The following STT3B variants were observed in gnomAD, a reference collection of about 807,000 sequenced individuals.
STT3B encodes the protein STT3 oligosaccharyltransferase complex catalytic subunit B, also known as dolichyl-diphosphooligosaccharide--protein glycosyltransferase subunit STT3B.
A neutral mutation model predicts 96.8 loss-of-function variants in STT3B; 29 were observed. The ratio of observed to expected loss-of-function variants is 0.30; its 90% CI spans 0.22 to 0.41. The LOEUF is 0.41. Among genes scored for constraint, STT3B ranks in the 10% least tolerant of loss-of-function variants. The probability of loss-of-function intolerance (pLI) is 1.00; values close to 1 mark genes in which losing one functional copy is unlikely to be tolerated. For missense variants in STT3B, 640 were observed against 1,022.3 expected, an observed-to-expected ratio of 0.63 and a Z score of 5.10; for synonymous variants, 367 against 360.0, an observed-to-expected ratio of 1.02 and a Z score of -0.22.
At chr3:31,577,844 C>G (rs985094313) in intron 2 of STT3B, among the ~76,000 whole-genome samples, 1 of 152,084 alleles carries the variant, frequency 6.6e-6, no homozygotes, top group Non-Finnish European at 1.5e-5. Flanking sequence ...TATCATATAC[C>G]TAAATTGTAT....
intron 3 of STT3B, among the ~76,000 whole-genome samples, chr3:31,585,273 G>A (rs9832807): frequency 0.092 from 13,970 of 151,938 alleles, 683 homozygotes; most frequent in South Asian, 0.11. Context: ...TAATTGCCAG[G>A]GTTTGGTTTT....
At chr3:31,550,032 G>A (rs754829184) in intron 1 of STT3B, among the ~76,000 whole-genome samples, 84 of 151,702 alleles carry the variant, frequency 5.5e-4, no homozygotes, top group Non-Finnish European at 9.6e-4. Flanking sequence ...TTATTTTGTT[G>A]TAATTTTTTT....
At chr3:31,533,377 C>T in intron 1 of STT3B, 65 bp downstream of exon 1, 25 of 1,394,590 alleles carry the variant, frequency 1.8e-5, no homozygotes, top group Non-Finnish European at 2.3e-5. Flanking sequence ...CTCCTCCGCC[C>T]GCCGCAGCTC....
chr3:31,599,243 C>T (rs1356594912), intron 4 of STT3B, among the ~76,000 whole-genome samples: 1 of 151,964 alleles, frequency 6.6e-6, no homozygotes. Context: ...TTGAGCTAAT[C>T]TTTTTTTTCT....
At chr3:31,607,046 G>T (rs1432229784) in intron 5 of STT3B, among the ~76,000 whole-genome samples, 1 of 152,176 alleles carries the variant, frequency 6.6e-6, no homozygotes, top group Non-Finnish European at 1.5e-5. Context: ...GGGACCTTCA[G>T]CGCCTTTATT....
At chr3:31,592,027 T>TA (rs1223176833) in intron 3 of STT3B, among the ~76,000 whole-genome samples, 1 of 152,188 alleles carries the variant, frequency 6.6e-6, no homozygotes, top group Non-Finnish European at 1.5e-5. Context: ...TGGCATTAAG[T>TA]ACATTGATTA....
chr3:31,597,316 C>T (rs541686784), intron 4 of STT3B, among the ~76,000 whole-genome samples: 46 of 152,040 alleles, frequency 3.0e-4, no homozygotes, highest in African/African-American at 8.2e-4. Flanking sequence ...CCCGCCACCA[C>T]GCCTGGCTAA....
rs1254974843 is a variant in STT3B, at chr3:31,602,307, T to TC, written c.877+1848_877+1849insC. ...AATAATAAATAACAGATTAAACTTTTTTTTTTTAAGTTAAATGGTTACAGT... is the reference window on the plus strand; with the variant it reads ...AATAATAAATAACAGATTAAACTTTTCTTTTTTTAAGTTAAATGGTTACAGT... On this transcript the variant is annotated intron_variant, in intron 5 of 15. Transcript: ENST00000295770. Among the ~76,000 whole-genome samples the TC allele has an allele frequency of 7.2e-5, 11 of 152,268 alleles. No individual in the cohort carries two copies. The East Asian group carries it at 2.1e-3, about 29-fold the overall frequency.
intron 9 of STT3B, among the ~76,000 whole-genome samples, chr3:31,621,884 C>T (rs572571741): frequency 6.6e-5 from 10 of 152,260 alleles, no homozygotes; most frequent in African/African-American, 2.4e-4. Context: ...TTTTTCTAAA[C>T]TGTGGATGTG....
chr3:31,594,574 C>T (rs1320419574), intron 3 of STT3B, among the ~76,000 whole-genome samples: 1 of 151,962 alleles, frequency 6.6e-6, no homozygotes, highest in Non-Finnish European at 1.5e-5. Context: ...GGATTATAGT[C>T]GTGCACCACC....
chr3:31,543,078 A>AAAAT (rs1291626877), intron 1 of STT3B, among the ~76,000 whole-genome samples: 1 of 151,658 alleles, frequency 6.6e-6, no homozygotes, highest in Non-Finnish European at 1.5e-5. Flanking sequence ...AAAAAAAAAA[A>AAAAT]AAAAAAGAGA....
chr3:31,602,910 A>G (rs1228515618), intron 5 of STT3B, among the ~76,000 whole-genome samples: 1 of 152,054 alleles, frequency 6.6e-6, no homozygotes, highest in Non-Finnish European at 1.5e-5. Flanking sequence ...AAATGGATGG[A>G]AAGTAGTATG....
chr3:31,561,056 A>C (rs1197251594), intron 1 of STT3B, among the ~76,000 whole-genome samples: 1 of 151,506 alleles, frequency 6.6e-6, no homozygotes, highest in Non-Finnish European at 1.5e-5. Context: ...TATATTTTTT[A>C]TTTCATTCAA....
rs1699762465 is a variant in STT3B at position 31,636,894 on chromosome 3, T to A, written c.*830T>A. 6.6e-6 allele frequency: 1 copy of A among 152,144 alleles called. No individual in the cohort carries two copies. Among genetic ancestry groups the A allele is most frequent in the Non-Finnish European group, 1.5e-5 (1 of 68,008 alleles). 9.4% of individuals were successfully genotyped at this position (152,144 alleles called of 1,614,324 possible). ...AGCACTATGTTTACATGCAAAAGATTAAGGAAAAAACCCTTAAAGTGGACA... is the reference window on the plus strand; with the variant it reads ...AGCACTATGTTTACATGCAAAAGATAAAGGAAAAAACCCTTAAAGTGGACA... On this transcript the variant is annotated 3_prime_UTR_variant, in exon 16 of 16. Coordinates refer to ENST00000295770, the MANE Select transcript of STT3B (RefSeq NM_178862.3).
intron 3 of STT3B, among the ~76,000 whole-genome samples, chr3:31,589,640 T>G (rs1366837404): frequency 6.6e-6 from 1 of 151,996 alleles, no homozygotes; most frequent in Admixed American, 6.6e-5. Flanking sequence ...TTACTATAAC[T>G]TCATTGTACA....
intron 1 of STT3B, among the ~76,000 whole-genome samples, chr3:31,553,038 C>A (rs888755335): frequency 6.1e-5 from 9 of 147,532 alleles, no homozygotes; most frequent in African/African-American, 2.3e-4. Context: ...GGAGGCGGAG[C>A]TTGCAGTGAG....
intron 4 of STT3B, among the ~76,000 whole-genome samples, chr3:31,597,755 G>A (rs1698824052): frequency 1.3e-5 from 2 of 151,524 alleles, no homozygotes; most frequent in Non-Finnish European, 2.9e-5. Context: ...TGCCGTGCCT[G>A]TTTTTTAACT....
At chr3:31,584,858 C>T (rs1219576124) in intron 3 of STT3B, among the ~76,000 whole-genome samples, 1 of 151,944 alleles carries the variant, frequency 6.6e-6, no homozygotes, top group African/African-American at 2.4e-5. Context: ...ATACAGAAAA[C>T]GTTTTGCCTA....
At chr3:31,547,795 A>G (rs1462093650) in intron 1 of STT3B, among the ~76,000 whole-genome samples, 1 of 152,232 alleles carries the variant, frequency 6.6e-6, no homozygotes, top group Non-Finnish European at 1.5e-5. Flanking sequence ...ACTTCTTCCC[A>G]ACCTTCAAAT....
Sources: gnomAD v4.1 joint callset for allele counts (sites outside exome capture counted in the v4.1 genomes callset) on GRCh38, gnomAD v4.1.1 for gene constraint, MANE v1.5 for transcripts, NCBI Gene and HGNC (gene_info 2026-07-23, HGNC 2026-07-21) for gene names.